Variants in KHDRBS3 observed in about 807,000 individuals in gnomAD.
The protein encoded by KHDRBS3 is KH domain-containing, RNA-binding, signal transduction-associated protein 3.
KHDRBS3 carries 23 observed loss-of-function variants against 45.6 expected under a neutral mutation model. The ratio of observed to expected loss-of-function variants is 0.50; its 90% CI spans 0.36 to 0.72. The LOEUF (loss-of-function observed/expected upper bound fraction) is 0.72, where lower values mean the gene tolerates loss of function less well. Among genes scored for constraint, KHDRBS3 ranks in the 30% least tolerant of loss-of-function variants. KHDRBS3 has a pLI of 0.00. For missense variants in KHDRBS3, 352 were observed against 424.8 expected (o/e 0.83, Z 1.51); for synonymous variants, 162 against 156.5 (o/e 1.04, Z -0.26).
chr8:135,466,427 T>A (rs930401267), intron 1 of KHDRBS3, among the ~76,000 whole-genome samples: 2 of 152,170 alleles, frequency 1.3e-5, no homozygotes, highest in African/African-American at 4.8e-5. Flanking sequence ...TAGTGTGCCC[T>A]AAAGAAAAGT....
At chr8:135,614,427 A>G (rs146081687) in intron 7 of KHDRBS3, among the ~76,000 whole-genome samples, 35 of 151,934 alleles carry the variant, frequency 2.3e-4, no homozygotes, top group Non-Finnish European at 4.7e-4. Context: ...TTTATATTTG[A>G]TGTCTTATTT....
chr8:135,593,110 G>A (rs1218370218), intron 6 of KHDRBS3, among the ~76,000 whole-genome samples: 2 of 152,170 alleles, frequency 1.3e-5, no homozygotes, highest in African/African-American at 4.8e-5. Context: ...GATAGGGGAG[G>A]AGGGAAACCT....
intron 5 of KHDRBS3, among the ~76,000 whole-genome samples, chr8:135,564,935 G>A (rs1375946967): frequency 2.6e-5 from 4 of 152,160 alleles, no homozygotes; most frequent in Non-Finnish European, 5.9e-5. Flanking sequence ...GAGGGTTGAT[G>A]GGAAGAAAAG....
chr8:135,630,817 A>G (rs1193854641), intron 7 of KHDRBS3, among the ~76,000 whole-genome samples: 1 of 152,234 alleles, frequency 6.6e-6, no homozygotes, highest in African/African-American at 2.4e-5. Flanking sequence ...CTTACCATGA[A>G]TGGAGCTTGA....
At chr8:135,618,328 A>G (rs1378480739) in intron 7 of KHDRBS3, among the ~76,000 whole-genome samples, 3 of 152,172 alleles carry the variant, frequency 2.0e-5, no homozygotes, top group Non-Finnish European at 4.4e-5. Flanking sequence ...CAGTTTCTCA[A>G]CCTGTTGGAT....
chr8:135,542,632 T>C, intron 2 of KHDRBS3, 22 bp from the exon 3 acceptor site: 1 of 1,458,026 alleles, frequency 6.9e-7, no homozygotes, highest in Non-Finnish European at 9.6e-7. Flanking sequence ...ATGCTACAAA[T>C]TTGGTTGTTT....
chr8:135,588,698 A>G (rs1308595685), intron 6 of KHDRBS3, among the ~76,000 whole-genome samples: 1 of 152,138 alleles, frequency 6.6e-6, no homozygotes, highest in Non-Finnish European at 1.5e-5. Flanking sequence ...TATTGCTCTT[A>G]TCACTTAGAG....
chr8:135,487,880 C>T (rs1822943731), intron 1 of KHDRBS3, among the ~76,000 whole-genome samples: 1 of 152,116 alleles, frequency 6.6e-6, no homozygotes, highest in African/African-American at 2.4e-5. Context: ...GCAGAGTAAT[C>T]TTTGTAACTC....
intron 7 of KHDRBS3, among the ~76,000 whole-genome samples, chr8:135,608,704 A>T (rs138489969): frequency 3.3e-5 from 5 of 152,288 alleles, no homozygotes; most frequent in African/African-American, 1.2e-4. Flanking sequence ...AACGACTGGG[A>T]TATGATCTGA....
At chr8:135,620,575 A>G (rs1830096637) in intron 7 of KHDRBS3, among the ~76,000 whole-genome samples, 1 of 152,166 alleles carries the variant, frequency 6.6e-6, no homozygotes, top group African/African-American at 2.4e-5. Flanking sequence ...CAAAATCTTC[A>G]TGGCTCCTTA....
chr8:135,482,278 GAAA>G (rs1203987801), intron 1 of KHDRBS3, among the ~76,000 whole-genome samples: 2 of 152,162 alleles, frequency 1.3e-5, no homozygotes, highest in African/African-American at 4.8e-5. Context: ...TAGGCAGAAA[GAAA>G]AATAATTAAC....
chr8:135,485,868 A>G (rs1029081747), intron 1 of KHDRBS3, among the ~76,000 whole-genome samples: 1 of 141,220 alleles, frequency 7.1e-6, no homozygotes, highest in East Asian at 2.0e-4. Flanking sequence ...ATATATATAT[A>G]TTTTATTTTT....
At chr8:135,620,335 A>G (rs1586815915) in intron 7 of KHDRBS3, among the ~76,000 whole-genome samples, 1 of 152,054 alleles carries the variant, frequency 6.6e-6, no homozygotes, top group African/African-American at 2.4e-5. Context: ...TTTTGAGTTC[A>G]AAGCGATCTG....
intron 1 of KHDRBS3, among the ~76,000 whole-genome samples, chr8:135,468,751 G>A (rs1181990739): frequency 1.3e-5 from 2 of 152,246 alleles, no homozygotes; most frequent in East Asian, 3.9e-4. Flanking sequence ...CAAAATAGGG[G>A]CACAATAAAA....
At chr8:135,558,270 A>C (rs939776047) in intron 5 of KHDRBS3, among the ~76,000 whole-genome samples, 4 of 152,116 alleles carry the variant, frequency 2.6e-5, no homozygotes, top group African/African-American at 9.7e-5. Context: ...GATTAATGTT[A>C]ATGGGAAAAT....
At chr8:135,577,981 G>T (rs796507242) in intron 5 of KHDRBS3, among the ~76,000 whole-genome samples, 1 of 152,160 alleles carries the variant, frequency 6.6e-6, no homozygotes, top group South Asian at 2.1e-4. Flanking sequence ...ATTCCCTAGT[G>T]ACAAATGATG....
At chr8:135,543,254 G>T (rs1016128545) in intron 3 of KHDRBS3, among the ~76,000 whole-genome samples, 1 of 151,952 alleles carries the variant, frequency 6.6e-6, no homozygotes, top group African/African-American at 2.4e-5. Context: ...ACTGCTTATT[G>T]TTCTAACACA....
At chr8:135,538,393 C>T (rs2130753440) in intron 2 of KHDRBS3, 1 of 152,290 alleles carries the variant, frequency 6.6e-6, no homozygotes, top group African/African-American at 2.4e-5. Flanking sequence ...GGGTTTGTGT[C>T]TGTCCTTGCT....
At chr8:135,529,788 C>T (rs1036757430) in intron 2 of KHDRBS3, among the ~76,000 whole-genome samples, 3 of 151,994 alleles carry the variant, frequency 2.0e-5, no homozygotes, top group African/African-American at 4.8e-5. Flanking sequence ...GGGCTGGGTG[C>T]GGTGGCTCAT....
Sources: gnomAD v4.1 joint callset for allele counts (sites outside exome capture counted in the v4.1 genomes callset) on GRCh38, gnomAD v4.1.1 for gene constraint, MANE v1.5 for transcripts, NCBI Gene and HGNC (gene_info 2026-07-23, HGNC 2026-07-21) for gene names.